The following LRRC7 variants were observed in gnomAD, a reference collection of about 807,000 sequenced individuals.
LRRC7 encodes leucine rich repeat containing 7.
Under a neutral mutation model 175.7 loss-of-function variants are expected in LRRC7, and 23 were observed. The ratio of observed to expected loss-of-function variants is 0.13; its 90% confidence interval spans 0.09 to 0.19. The LOEUF is 0.19. Ranked by LOEUF, LRRC7 falls within the 10% of genes least tolerant of loss-of-function variation. The pLI, the probability that LRRC7 is intolerant of heterozygous loss-of-function variation, is 1.00. For missense variants in LRRC7, 1,354 were observed against 1,904.7 expected (o/e 0.71, Z 5.38); for synonymous variants, 685 against 680.9 (o/e 1.01, Z -0.09).
At chr1:70,109,969 G>A (rs1665411343) in intron 26 of LRRC7, among the ~76,000 whole-genome samples, 1 of 152,214 alleles carries the variant, frequency 6.6e-6, no homozygotes, top group South Asian at 2.1e-4. Context: ...ACGTTGCAGA[G>A]TTCCTTCCTC....
intron 8 of LRRC7, among the ~76,000 whole-genome samples, chr1:69,971,797 A>G (rs1164414820): frequency 6.6e-6 from 1 of 152,208 alleles, no homozygotes; most frequent in Non-Finnish European, 1.5e-5. Context: ...GAACCAAGAA[A>G]GAGCCCACAT....
intron 24 of LRRC7, 145 bp downstream of exon 24, chr1:70,076,443 A>G: frequency 2.9e-6 from 2 of 696,572 alleles, no homozygotes; most frequent in South Asian, 3.9e-5. Flanking sequence ...TGGGGATTTT[A>G]TCATTCTTTC....
intron 7 of LRRC7, among the ~76,000 whole-genome samples, chr1:69,892,865 C>T (rs1399696156): frequency 6.6e-6 from 1 of 152,160 alleles, no homozygotes; most frequent in Non-Finnish European, 1.5e-5. Context: ...CTTGTATCAA[C>T]TTGACTGTTT....
intron 2 of LRRC7, among the ~76,000 whole-genome samples, chr1:69,718,111 AAG>A (rs1412707405): frequency 1.2e-4 from 6 of 48,084 alleles, no homozygotes; most frequent in Non-Finnish European, 2.1e-4. Context: ...AAGAGAGAAA[AAG>A]AAAGAAAGAA....
chr1:69,882,763 C>T (rs1183735069), intron 7 of LRRC7, among the ~76,000 whole-genome samples: 6 of 123,406 alleles, frequency 4.9e-5, no homozygotes, highest in Admixed American at 8.7e-5. Flanking sequence ...ATCCCTCCCC[C>T]GCCCCCCACC....
chr1:70,000,552 A>T (rs1248287802), intron 11 of LRRC7, among the ~76,000 whole-genome samples: 1 of 152,194 alleles, frequency 6.6e-6, no homozygotes, highest in Non-Finnish European at 1.5e-5. Context: ...GCCATTCAGT[A>T]ATCGTACCAC....
intron 1 of LRRC7, among the ~76,000 whole-genome samples, chr1:69,605,983 A>C (rs1350702598): frequency 6.6e-6 from 1 of 152,132 alleles, no homozygotes; most frequent in African/African-American, 2.4e-5. Flanking sequence ...AGACAAACTA[A>C]AAGTCACTTT....
intron 2 of LRRC7, among the ~76,000 whole-genome samples, chr1:69,699,003 A>C (rs1740900): frequency 0.44 from 66,790 of 151,730 alleles, 14,944 homozygotes; most frequent in Admixed American, 0.5. Flanking sequence ...TCTTTGCTAC[A>C]ATTTCAGAGC....
At chr1:70,112,720 A>C (rs764214880) in intron 26 of LRRC7, among the ~76,000 whole-genome samples, 1 of 151,994 alleles carries the variant, frequency 6.6e-6, no homozygotes, top group Admixed American at 6.6e-5. Flanking sequence ...GATCATGGAG[A>C]TCTCTGGTTG....
intron 1 of LRRC7, among the ~76,000 whole-genome samples, chr1:69,664,455 T>C (rs1214215594): frequency 6.6e-6 from 1 of 152,174 alleles, no homozygotes; most frequent in Non-Finnish European, 1.5e-5. Flanking sequence ...TTTCTCCACA[T>C]CTCGCCAGCA....
intron 1 of LRRC7, among the ~76,000 whole-genome samples, chr1:69,675,984 T>C (rs1182349312): frequency 2.1e-5 from 3 of 145,002 alleles, no homozygotes; most frequent in Non-Finnish European, 3.0e-5. Flanking sequence ...TTTACAAACA[T>C]AGGGATAGGC....
intron 2 of LRRC7, among the ~76,000 whole-genome samples, chr1:69,759,800 G>A (rs944770523): frequency 3.9e-5 from 6 of 151,948 alleles, no homozygotes; most frequent in African/African-American, 1.5e-4. Flanking sequence ...GCAAATTCTG[G>A]AAGTTTCTGT....
In LRRC7 at chr1:70,011,694, G is replaced by A. The variant is rs190417389; in HGVS notation, c.1005-103G>A. ...AATTATATAATATTATGTTGTTACC[G>A]CATGAATAACTTTTGTTTTGGTGAA... On this transcript the variant is annotated intron_variant, in intron 11 of 26. Coordinates refer to ENST00000651989, the MANE Select transcript of LRRC7 (RefSeq NM_001370785.2). The A allele has an allele frequency of 3.5e-4, 248 of 704,086 alleles. 1 individual carries two copies. The Middle Eastern group carries it at 4.6e-3, about 13-fold the overall frequency. 43.6% of individuals were successfully genotyped at this position (704,086 alleles called of 1,614,324 possible).
chr1:69,576,712 C>A (rs1402766493), intron 1 of LRRC7, among the ~76,000 whole-genome samples: 2 of 152,150 alleles, frequency 1.3e-5, no homozygotes, highest in Non-Finnish European at 2.9e-5. Flanking sequence ...ATTAGCTATG[C>A]TTTTCATTTG....
intron 2 of LRRC7, among the ~76,000 whole-genome samples, chr1:69,725,626 G>A (rs941709319): frequency 4.6e-5 from 7 of 152,138 alleles, no homozygotes; most frequent in Non-Finnish European, 7.3e-5. Context: ...GTGCCTAAAC[G>A]TTTTTAATAT....
At chr1:69,788,817 C>T (rs1237650616) in intron 3 of LRRC7, among the ~76,000 whole-genome samples, 2 of 152,130 alleles carry the variant, frequency 1.3e-5, no homozygotes, top group East Asian at 1.9e-4. Flanking sequence ...TTTACCCCAA[C>T]ATAAATTTCA....
intron 23 of LRRC7, among the ~76,000 whole-genome samples, chr1:70,059,277 G>A (rs1661391169): frequency 6.6e-6 from 1 of 152,180 alleles, no homozygotes; most frequent in South Asian, 2.1e-4. Flanking sequence ...GTCAATATCA[G>A]GATGGACACA....
rs747951382 is a variant in LRRC7, at chr1:70,141,223, C to T, written c.*19336C>T. 2.6e-5 allele frequency among the ~76,000 whole-genome samples: 4 copies of T among 151,712 alleles called. No individual in the cohort carries two copies. The highest frequency in any genetic ancestry group is 4.8e-5 in the African/African-American group (2 of 41,282). On this transcript the variant is annotated 3_prime_UTR_variant, in exon 27 of 27. Transcript: ENST00000651989. ...GTTGGGACAATTCAGGGTTCAGGTA[C>T]GAAAAGGGTATGAAGCCTACTGAAA...
intron 14 of LRRC7, among the ~76,000 whole-genome samples, chr1:70,017,507 T>C (rs899659242): frequency 6.6e-6 from 1 of 152,142 alleles, no homozygotes; most frequent in Non-Finnish European, 1.5e-5. Context: ...TCTTTTTTCT[T>C]GTGATCCTTA....
Sources: allele counts gnomAD v4.1 joint callset (sites outside exome capture counted in the v4.1 genomes callset), GRCh38; gene constraint gnomAD v4.1.1; transcripts MANE v1.5; gene names NCBI Gene and HGNC (gene_info 2026-07-23, HGNC 2026-07-21).